The following BNC1 variants were observed in gnomAD, a reference collection of about 807,000 sequenced individuals.
BNC1 encodes the protein zinc finger protein basonuclin-1.
Under a neutral mutation model 66.5 loss-of-function variants are expected in BNC1, and 8 were observed. The observed-to-expected ratio is 0.12, with a 90% CI of 0.07 to 0.22. BNC1 has a LOEUF of 0.22. Among genes scored for constraint, BNC1 ranks in the 10% least tolerant of loss-of-function variants. BNC1 has a pLI of 1.00. For missense variants in BNC1, 1,069 were observed against 1,241.3 expected (o/e 0.86, Z 2.09); for synonymous variants, 454 against 452.6 (o/e 1.00, Z -0.04).
At chr15:83,274,594 G>T (rs1174134574) in intron 1 of BNC1, among the ~76,000 whole-genome samples, 1 of 152,134 alleles carries the variant, frequency 6.6e-6, no homozygotes, top group Non-Finnish European at 1.5e-5. Context: ...TTTTGACGTG[G>T]TTTATCATGT....
In BNC1 at chr15:83,258,060, A is replaced by T; in HGVS notation, c.2367T>A (p.Asp789Glu). ...LSQEALESSE[D>E]HFRAAYLLKD... ...TCAGAAGGTAAGCTGCACGGAAATGATCTTCACTACTCTCCAATGCTTCCT... is the reference window on the plus strand; with the variant it reads ...TCAGAAGGTAAGCTGCACGGAAATGTTCTTCACTACTCTCCAATGCTTCCT... The change falls in exon 5 of 5, where the codon GAT becomes GAA. Residue 789 changes from aspartate to glutamate, a missense_variant. By Grantham distance (45) the Asp-to-Glu change is conservative (BLOSUM62 2). Around this residue, in one of 7 missense-constraint regions of BNC1, gnomAD observed 657 missense variants for 715.8 expected, o/e 0.92. Coordinates refer to ENST00000345382, the MANE Select transcript of BNC1 (RefSeq NM_001717.4). The T allele has an allele frequency of 6.2e-7, 1 of 1,613,434 alleles. No individual in the cohort carries two copies. Among genetic ancestry groups the T allele is most frequent in the Non-Finnish European group, 8.5e-7 (1 of 1,179,378 alleles).
At chr15:83,279,116 C>T (rs1197747222) in intron 1 of BNC1, among the ~76,000 whole-genome samples, 1 of 152,024 alleles carries the variant, frequency 6.6e-6, no homozygotes, top group African/African-American at 2.4e-5. Context: ...TTTTTAGGTG[C>T]TCTATGGTAT....
rs2038070674 is a variant in BNC1, at chr15:83,256,116, C to T, written c.*1326G>A. 2 of 152,462 alleles carry T rather than the reference C, an allele frequency of 1.3e-5. No individual in the cohort carries two copies. The highest frequency in any genetic ancestry group is 2.9e-5 in the Non-Finnish European group (2 of 68,018). 9.4% of individuals were successfully genotyped at this position (152,462 alleles called of 1,614,324 possible). ...TGTTGGCTTTTTAACCTTTAGACCA[C>T]AGAAATAATCTCTCTTATAACCCTC... On this transcript the variant is annotated 3_prime_UTR_variant, in exon 5 of 5. Transcript: ENST00000345382.
At chr15:83,272,842 A>G (rs2038282148) in intron 1 of BNC1, among the ~76,000 whole-genome samples, 1 of 152,140 alleles carries the variant, frequency 6.6e-6, no homozygotes, top group African/African-American at 2.4e-5. Context: ...TTGGCTGGAT[A>G]ATGCTTTGTA....
At chr15:83,262,519 A>G (rs1336188817) in intron 4 of BNC1, among the ~76,000 whole-genome samples, 3 of 151,664 alleles carry the variant, frequency 2.0e-5, no homozygotes, top group Non-Finnish European at 2.9e-5. Context: ...TCCACACAAA[A>G]GGAGATTAAA....
At chr15:83,270,550 T>C (rs2038260257) in intron 1 of BNC1, among the ~76,000 whole-genome samples, 1 of 152,152 alleles carries the variant, frequency 6.6e-6, no homozygotes, top group Admixed American at 6.6e-5. Context: ...TGAGATCTCA[T>C]TGTGGTTTTG....
Position 83,272,132 on chromosome 15 carries a change from A to G in BNC1, c.100-3900T>C, listed in dbSNP as rs527771670. 1.1e-4 allele frequency among the ~76,000 whole-genome samples: 17 copies of G among 152,346 alleles called. No individual in the cohort carries two copies. In the South Asian group the frequency reaches 3.1e-3, roughly 28 times the overall value. On this transcript the variant is annotated intron_variant, in intron 1 of 4. Coordinates refer to ENST00000345382, the MANE Select transcript of BNC1 (RefSeq NM_001717.4). The stretch of plus-strand genomic sequence containing the variant: ...TACTAAACCTCTGAAATATTTCACA[A>G]TCTTGATTCTATAAATATGACCATT...
chr15:83,261,960 T>G (rs1285414678), intron 4 of BNC1, among the ~76,000 whole-genome samples: 1 of 151,998 alleles, frequency 6.6e-6, no homozygotes. Flanking sequence ...GACGCTATAG[T>G]GGCAATTTAA....
chr15:83,257,475 T>C lies in BNC1; in HGVS notation c.2952A>G (p.Lys984=). 1 of 1,614,042 alleles carries C rather than the reference T, an allele frequency of 6.2e-7. No homozygotes were observed. Among genetic ancestry groups the C allele is most frequent in the Non-Finnish European group, 8.5e-7 (1 of 1,179,968 alleles). The change falls in exon 5 of 5, where the codon AAA becomes AAG. Residue 984 remains lysine (K), a synonymous_variant. Coordinates refer to ENST00000345382, the MANE Select transcript of BNC1 (RefSeq NM_001717.4). ...NRHSQNPNLH[K]SLASSPSHLQ is the part of the protein sequence containing the mutation. ...GGTGACTTGGAGATGAGGCCAGGCTTTTGTGCAGGTTGGGATTCTGGCTGT... is the reference window on the plus strand; with the variant it reads ...GGTGACTTGGAGATGAGGCCAGGCTCTTGTGCAGGTTGGGATTCTGGCTGT...
chr15:83,280,597 C>T (rs73438962), intron 1 of BNC1, among the ~76,000 whole-genome samples: 6,374 of 152,256 alleles, frequency 0.042, 379 homozygotes, highest in East Asian at 0.13. Flanking sequence ...ATCCTGATCC[C>T]TTGCTTCAAA....
Position 83,284,538 on chromosome 15 carries a change from TC to T in BNC1, c.90del (p.Met31TrpfsTer9), listed in dbSNP as rs1479423986. ...RRQPRHRSGR[R>X]MAEAISCTLN... Reference sequence around the variant, plus strand: ...GAGGGCGCCGCGCTTACCTCGGCCATCCTGCGACCGCTGCGGTGCCGGGGCT... The same window carrying T: ...GAGGGCGCCGCGCTTACCTCGGCCATCTGCGACCGCTGCGGTGCCGGGGCT... On this transcript the variant is annotated frameshift_variant, in exon 1 of 5. Transcript: ENST00000345382. LOFTEE classifies it high-confidence loss of function. The T allele has an allele frequency of 8.5e-7, 1 of 1,178,254 alleles. No homozygotes were observed. The highest frequency in any genetic ancestry group is 4.0e-5 in the Admixed American group (1 of 25,170). The allele number at this position is 1,178,254 out of a possible 1,614,324, so 73.0% of individuals were successfully genotyped here. A position where few individuals can be genotyped will look rare whatever the true frequency, so the allele number is the denominator to read the frequency against.
At chr15:83,259,774 C>A (rs919549940) in intron 4 of BNC1, among the ~76,000 whole-genome samples, 2 of 152,158 alleles carry the variant, frequency 1.3e-5, no homozygotes, top group Non-Finnish European at 2.9e-5. Context: ...ATACTAATGG[C>A]TAACTTGTGG....
In BNC1 at chr15:83,263,094, G is replaced by C. The variant is rs762074429; in HGVS notation, c.2157C>G (p.Arg719=). 1.2e-5 allele frequency: 20 copies of C among 1,614,202 alleles called. No homozygotes were observed. The South Asian group carries it at 2.2e-4, about 18-fold the overall frequency. Reference sequence around the variant, plus strand: ...TCTTCTTGCAGATGTCACACTGGAAGCGATTTTCTTCTATCTGCCTTGCTA... The same window carrying C: ...TCTTCTTGCAGATGTCACACTGGAACCGATTTTCTTCTATCTGCCTTGCTA... The part of the protein sequence containing the change: ...HALARQIEEN[R]FQCDICKKTF... Residue 719 remains arginine, a synonymous_variant, in exon 4 of 5, where the codon CGC becomes CGG. Coordinates refer to ENST00000345382, the MANE Select transcript of BNC1 (RefSeq NM_001717.4).
At chr15:83,284,226 G>A (rs979867601) in intron 1 of BNC1, among the ~76,000 whole-genome samples, 9 of 152,020 alleles carry the variant, frequency 5.9e-5, no homozygotes, top group African/African-American at 1.9e-4. Context: ...TGCCGCCGCC[G>A]ATTTCCACAG....
At chr15:83,261,948 G>A (rs1247014348) in intron 4 of BNC1, among the ~76,000 whole-genome samples, 1 of 151,854 alleles carries the variant, frequency 6.6e-6, no homozygotes, top group Non-Finnish European at 1.5e-5. Flanking sequence ...GTCACGTTTT[G>A]GGACGCTATA....
intron 1 of BNC1, chr15:83,283,092 T>C: frequency 1.2e-5 from 15 of 1,206,798 alleles, no homozygotes; most frequent in East Asian, 5.8e-5. Context: ...CACACACAAC[T>C]TCACTCACAC....
In BNC1 at chr15:83,264,457, A is replaced by G. The variant is rs1285165293; in HGVS notation, c.794T>C (p.Met265Thr). The change falls in exon 4 of 5, where the codon ATG becomes ACG. Residue 265 changes from methionine to threonine, a missense_variant. By Grantham distance (81) the Met-to-Thr change is moderately conservative (BLOSUM62 -1). Around this residue, in one of 7 missense-constraint regions of BNC1, gnomAD observed 181 missense variants for 181.5 expected, o/e 1.00. Coordinates refer to ENST00000345382, the MANE Select transcript of BNC1 (RefSeq NM_001717.4). ...ALIGSLPEQYMLEQGHDQSQD... is the reference protein window; with the variant it reads ...ALIGSLPEQYTLEQGHDQSQD... ...ACTTTGGTCATGACCCTGCTCCAAC[A>G]TATATTGTTCGGGCAATGACCCTAT... 3.1e-6 allele frequency: 5 copies of G among 1,614,016 alleles called. No homozygotes were observed. Among genetic ancestry groups the G allele is most frequent in the Non-Finnish European group, 4.2e-6 (5 of 1,180,034 alleles).
chr15:83,262,298 G>A (rs1039745589), intron 4 of BNC1, among the ~76,000 whole-genome samples: 2 of 151,946 alleles, frequency 1.3e-5, no homozygotes, highest in African/African-American at 2.4e-5. Context: ...TGATCTGCCC[G>A]CCCTGGCCTC....
intron 1 of BNC1, among the ~76,000 whole-genome samples, chr15:83,279,707 A>G (rs1345522761): frequency 9.9e-5 from 15 of 152,136 alleles, no homozygotes; most frequent in Admixed American, 7.9e-4. Context: ...GCTTTCTACA[A>G]TGGGGAGGCA....
Sources: allele counts gnomAD v4.1 joint callset (sites outside exome capture counted in the v4.1 genomes callset), GRCh38; gene constraint gnomAD v4.1.1; regional missense constraint gnomAD v4.1.1; transcripts MANE v1.5; gene names NCBI Gene and HGNC (gene_info 2026-07-23, HGNC 2026-07-21).